Variants in GALNTL6 observed in about 807,000 individuals in gnomAD.
GALNTL6 encodes polypeptide N-acetylgalactosaminyltransferase like 6.
GALNTL6 carries 46 observed loss-of-function variants against 73.7 expected under a neutral mutation model. That is an observed-to-expected ratio of 0.62 (90% confidence interval 0.49 to 0.80). The LOEUF is 0.80. Among genes scored for constraint, GALNTL6 ranks in the 30% least tolerant of loss-of-function variants. The pLI, the probability that GALNTL6 is intolerant of heterozygous loss-of-function variation, is 0.00. For missense variants in GALNTL6, 604 were observed against 755.0 expected (o/e 0.80, Z 2.34); for synonymous variants, 259 against 263.7 (o/e 0.98, Z 0.17).
chr4:172,715,244 C>G (rs567302471), intron 5 of GALNTL6, among the ~76,000 whole-genome samples: 1 of 152,248 alleles, frequency 6.6e-6, no homozygotes, highest in South Asian at 2.1e-4. Context: ...AAAAGCAACA[C>G]TGGTGTATGT....
chr4:171,864,087 A>T (rs561017852), intron 2 of GALNTL6, among the ~76,000 whole-genome samples: 52 of 152,308 alleles, frequency 3.4e-4, no homozygotes, highest in Admixed American at 2.0e-3. Flanking sequence ...CCACTTCTAA[A>T]GTATGTCACT....
At chr4:172,761,335 A>G (rs1053452336) in intron 5 of GALNTL6, among the ~76,000 whole-genome samples, 1 of 152,182 alleles carries the variant, frequency 6.6e-6, no homozygotes, top group Non-Finnish European at 1.5e-5. Context: ...TATAAAACAC[A>G]CTTTAGGGAC....
intron 5 of GALNTL6, among the ~76,000 whole-genome samples, chr4:172,775,518 G>A (rs1008973255): frequency 6.6e-6 from 1 of 152,048 alleles, no homozygotes; most frequent in South Asian, 2.1e-4. Flanking sequence ...ATGGTACATG[G>A]GTCTGTACCA....
At chr4:172,659,875 C>G (rs1187274760) in intron 5 of GALNTL6, among the ~76,000 whole-genome samples, 1 of 152,140 alleles carries the variant, frequency 6.6e-6, no homozygotes, top group Non-Finnish European at 1.5e-5. Context: ...GGAGTTCCAG[C>G]ATGCCCTTCC....
At chr4:172,661,151 A>C (rs1731346310) in intron 5 of GALNTL6, among the ~76,000 whole-genome samples, 1 of 152,204 alleles carries the variant, frequency 6.6e-6, no homozygotes, top group African/African-American at 2.4e-5. Flanking sequence ...TGACTAAAGC[A>C]GATTACCCTC....
intron 5 of GALNTL6, among the ~76,000 whole-genome samples, chr4:172,801,981 C>T (rs1005094173): frequency 6.6e-6 from 1 of 152,096 alleles, no homozygotes; most frequent in Non-Finnish European, 1.5e-5. Context: ...AATTGGTTGC[C>T]ATGTTTCTTA....
At chr4:172,887,212 A>AT (rs1561014268) in intron 8 of GALNTL6, among the ~76,000 whole-genome samples, 1 of 152,214 alleles carries the variant, frequency 6.6e-6, no homozygotes, top group Non-Finnish European at 1.5e-5. Context: ...TATGTACCAC[A>AT]TTATCATAAT....
intron 2 of GALNTL6, among the ~76,000 whole-genome samples, chr4:171,848,856 T>A (rs1022637173): frequency 6.6e-6 from 1 of 152,228 alleles, no homozygotes; most frequent in African/African-American, 2.4e-5. Flanking sequence ...GCAATAAGAC[T>A]TCTTTGCTTT....
chr4:172,922,178 C>T (rs1210119518), intron 8 of GALNTL6, among the ~76,000 whole-genome samples: 1 of 152,138 alleles, frequency 6.6e-6, no homozygotes, highest in African/African-American at 2.4e-5. Context: ...TGCCTTTCAC[C>T]TCCCGCCATG....
chr4:172,585,749 G>A (rs1258857967), intron 5 of GALNTL6, among the ~76,000 whole-genome samples: 1 of 152,014 alleles, frequency 6.6e-6, no homozygotes, highest in African/African-American at 2.4e-5. Flanking sequence ...TAGAATGATT[G>A]ATAATCCTTT....
At chr4:172,448,473 T>C (rs1732102889) in intron 5 of GALNTL6, among the ~76,000 whole-genome samples, 1 of 152,186 alleles carries the variant, frequency 6.6e-6, no homozygotes, top group Non-Finnish European at 1.5e-5. Context: ...ATTTACACAA[T>C]GCTGACTGAT....
chr4:172,524,366 A>G (rs1483207948), intron 5 of GALNTL6, among the ~76,000 whole-genome samples: 1 of 151,996 alleles, frequency 6.6e-6, no homozygotes, highest in Non-Finnish European at 1.5e-5. Context: ...CTCCTGCTTC[A>G]GCCTCCCGAG....
intron 5 of GALNTL6, among the ~76,000 whole-genome samples, chr4:172,502,738 A>G (rs1055403102): frequency 6.6e-6 from 1 of 152,234 alleles, no homozygotes; most frequent in South Asian, 2.1e-4. Flanking sequence ...ACTGTATTCT[A>G]GAAGAACACA....
At chr4:172,441,069 C>A (rs188839761) in intron 5 of GALNTL6, among the ~76,000 whole-genome samples, 1 of 152,002 alleles carries the variant, frequency 6.6e-6, no homozygotes, top group African/African-American at 2.4e-5. Flanking sequence ...TTAAATTAAA[C>A]ATCTCTTCCA....
chr4:172,853,116 G>T (rs1489404474), intron 7 of GALNTL6, among the ~76,000 whole-genome samples: 1 of 152,164 alleles, frequency 6.6e-6, no homozygotes, highest in African/African-American at 2.4e-5. Context: ...GCCCCGCATA[G>T]GGTTTCACAA....
intron 2 of GALNTL6, among the ~76,000 whole-genome samples, chr4:171,915,466 A>T (rs1737590466): frequency 6.6e-6 from 1 of 152,202 alleles, no homozygotes. Context: ...AAAGGGAGTG[A>T]TAGTGATTCT....
chr4:172,739,383 G>T (rs1363010923), intron 5 of GALNTL6, among the ~76,000 whole-genome samples: 1 of 152,154 alleles, frequency 6.6e-6, no homozygotes, highest in Non-Finnish European at 1.5e-5. Flanking sequence ...ATGCTCATTT[G>T]TTTGCAGGGT....
intron 5 of GALNTL6, among the ~76,000 whole-genome samples, chr4:172,606,208 T>C (rs1423260985): frequency 2.0e-5 from 3 of 152,052 alleles, no homozygotes; most frequent in Admixed American, 1.3e-4. Flanking sequence ...AATACAATTT[T>C]AAGGTAAAAA....
chr4:172,380,566 A>C, intron 5 of GALNTL6: 1 of 258,904 alleles, frequency 3.9e-6, no homozygotes, highest in Non-Finnish European at 7.7e-6. Context: ...AAAGATGTAC[A>C]CTTTAGTAGG....
Sources: gnomAD v4.1 joint callset for allele counts (sites outside exome capture counted in the v4.1 genomes callset) on GRCh38, gnomAD v4.1.1 for gene constraint, MANE v1.5 for transcripts, NCBI Gene and HGNC (gene_info 2026-07-23, HGNC 2026-07-21) for gene names.